The following AK9 variants were observed in gnomAD, a reference collection of about 807,000 sequenced individuals.
AK9 encodes adenylate kinase domain containing 1.
AK9 carries 191 observed loss-of-function variants against 239.6 expected under a neutral mutation model. The ratio of observed to expected loss-of-function variants is 0.80; its 90% CI spans 0.71 to 0.90. The LOEUF is 0.90. Among genes scored for constraint, AK9 ranks in the 40% least tolerant of loss-of-function variants. AK9 has a pLI of 0.00. For missense variants in AK9, 1,995 were observed against 2,214.7 expected (o/e 0.90, Z 1.99); for synonymous variants, 689 against 721.0 (o/e 0.96, Z 0.71).
At chr6:109,532,183 C>A (rs1259830325) in intron 28 of AK9, among the ~76,000 whole-genome samples, 4 of 152,184 alleles carry the variant, frequency 2.6e-5, no homozygotes, top group Non-Finnish European at 5.9e-5. Context: ...TTCTCCCCTG[C>A]CAAATGTTCG....
Position 109,494,071 on chromosome 6 carries a change from C to T in AK9, c.5443G>A (p.Ala1815Thr). Reference sequence around the variant, plus strand: ...TTTAAGCATCCCGCTGCATTCATTGCTTTAATTAGAGAAGTTGCAATACCC... The same window carrying T: ...TTTAAGCATCCCGCTGCATTCATTGTTTTAATTAGAGAAGTTGCAATACCC... Reference protein sequence around the residue: ...EQGIATSLIKAMNAAGCLKPK... With the variant: ...EQGIATSLIKTMNAAGCLKPK... The change falls in exon 40 of 41, where the codon GCA becomes ACA. Residue 1815 changes from alanine to threonine, a missense_variant. Physicochemically the swap from Ala to Thr is moderately conservative, Grantham distance 58. Around this residue, in one of 5 missense-constraint regions of AK9, gnomAD observed 391 missense variants for 456.0 expected, o/e 0.86. Transcript: ENST00000424296. The T allele has an allele frequency of 6.2e-7, 1 of 1,613,496 alleles. No homozygotes were observed. Among genetic ancestry groups the T allele is most frequent in the Non-Finnish European group, 8.5e-7 (1 of 1,179,528 alleles).
At chr6:109,637,303 G>T (rs546392588) in intron 10 of AK9, among the ~76,000 whole-genome samples, 5 of 152,218 alleles carry the variant, frequency 3.3e-5, no homozygotes, top group Admixed American at 3.3e-4. Flanking sequence ...ATCCCTATCA[G>T]ATATGTGATT....
At chr6:109,561,374 G>A (rs1785749141) in intron 24 of AK9, among the ~76,000 whole-genome samples, 1 of 152,132 alleles carries the variant, frequency 6.6e-6, no homozygotes, top group African/African-American at 2.4e-5. Context: ...GGAGTGCAGA[G>A]GTGTGATCTC....
At chr6:109,625,749 G>A (rs1388206396) in intron 12 of AK9, among the ~76,000 whole-genome samples, 10 of 152,190 alleles carry the variant, frequency 6.6e-5, no homozygotes, top group Admixed American at 2.6e-4. Context: ...GTTGGGGACT[G>A]CTGCTTTTGG....
At position 109,564,232 on chromosome 6, in the gene AK9, A is replaced by G; in HGVS notation, c.2483T>C (p.Met828Thr). Residue 828 changes from methionine to threonine, a missense_variant, in exon 23 of 41, where the codon ATG (methionine) becomes ACG (threonine). By Grantham distance (81) the Met-to-Thr change is moderately conservative. This residue lies in a region of AK9 where 1,290 missense variants were observed against 1,392.7 expected (regional missense o/e 0.93). Transcript: ENST00000424296. ...PEDSYPDVPE[M>T]EPFKEKIGSF... ...ACCAATCTTCTCTTTAAATGGCTCC[A>G]TTTCGGGAACATCAGGATAAGAGTC... 1.9e-6 allele frequency: 3 copies of G among 1,551,422 alleles called. No homozygotes were observed. The highest frequency in any genetic ancestry group is 2.6e-6 in the Non-Finnish European group (3 of 1,146,884).
rs144054652 is a variant in AK9 at position 109,543,803 on chromosome 6, A to C, written c.3226-1632T>G. ...CAGTTTCTCCTGAACGCTACTAAATATAGCTGAAAAACATTTAAAGAATAT... is the reference window on the plus strand; with the variant it reads ...CAGTTTCTCCTGAACGCTACTAAATCTAGCTGAAAAACATTTAAAGAATAT... On this transcript the variant is annotated intron_variant, in intron 26 of 40. Transcript: ENST00000424296. Among the ~76,000 whole-genome samples, 676 of 152,076 alleles carry C rather than the reference A, an allele frequency of 4.4e-3. 18 individuals are homozygous for C. The highest frequency in any genetic ancestry group is 0.037 in the Admixed American group (569 of 15,272).
At chr6:109,614,528 A>T in intron 13 of AK9, 48 bp from the exon 14 acceptor site, 2 of 1,469,702 alleles carry the variant, frequency 1.4e-6, no homozygotes, top group Non-Finnish European at 1.9e-6. Context: ...TTGGGGATAG[A>T]AAAACAGGTA....
At chr6:109,497,351 C>CACAT in intron 38 of AK9, 114 bp downstream of exon 38, 1 of 645,542 alleles carries the variant, frequency 1.5e-6, no homozygotes, top group Non-Finnish European at 2.7e-6. Flanking sequence ...CACACACACA[C>CACAT]ACACACACAC....
At chr6:109,652,723 T>G (rs1373294450) in intron 8 of AK9, among the ~76,000 whole-genome samples, 1 of 152,178 alleles carries the variant, frequency 6.6e-6, no homozygotes, top group Non-Finnish European at 1.5e-5. Context: ...CTGCAACCAG[T>G]GAAGGAATGC....
Position 109,685,157 on chromosome 6 carries a change from G to A in AK9, c.-12+5990C>T, listed in dbSNP as rs573256084. Among the ~76,000 whole-genome samples the A allele has an allele frequency of 3.9e-5, 6 of 152,140 alleles. No individual in the cohort carries two copies. In the South Asian group the frequency reaches 1.2e-3, roughly 32 times the overall value. ...GAGTGTAAATTAGTTCAACCATTGT[G>A]GAAGACAGTGTGGCGATTCCTCAAG... On this transcript the variant is annotated intron_variant, in intron 1 of 40. Transcript: ENST00000424296.
Position 109,672,114 on chromosome 6 carries a change from C to T in AK9, c.234+1G>A. On this transcript the variant is annotated splice_donor_variant, in intron 4 of 40. Coordinates refer to ENST00000424296, the MANE Select transcript of AK9 (RefSeq NM_001145128.3). LOFTEE classifies it high-confidence loss of function. Reference sequence around the variant, plus strand: ...TTACTTTGAAATTTAGGTTTGTTTACCATAACTCCTGATTCGGTTTCAGCA... The same window carrying T: ...TTACTTTGAAATTTAGGTTTGTTTATCATAACTCCTGATTCGGTTTCAGCA... 1 of 1,613,244 alleles carries T rather than the reference C, an allele frequency of 6.2e-7. No individual in the cohort carries two copies. Among genetic ancestry groups the T allele is most frequent in the South Asian group, 1.1e-5 (1 of 91,032 alleles).
chr6:109,653,252 G>C (rs1799226292), intron 8 of AK9, among the ~76,000 whole-genome samples: 1 of 152,104 alleles, frequency 6.6e-6, no homozygotes, highest in Non-Finnish European at 1.5e-5. Flanking sequence ...ATTAATACAG[G>C]TAGGTATAGC....
chr6:109,663,519 T>C (rs1324410845), intron 5 of AK9, among the ~76,000 whole-genome samples: 1 of 152,206 alleles, frequency 6.6e-6, no homozygotes, highest in African/African-American at 2.4e-5. Context: ...AGTGAAAATC[T>C]GAATTTTGAA....
chr6:109,569,122 A>G (rs529586724), intron 21 of AK9, among the ~76,000 whole-genome samples: 2 of 152,250 alleles, frequency 1.3e-5, no homozygotes, highest in South Asian at 4.1e-4. Context: ...TGGAAATAAT[A>G]CCACACATCT....
rs760305284 is a variant in AK9 at position 109,493,596 on chromosome 6, G to C, written c.5534-25C>G. The stretch of plus-strand genomic sequence containing the variant: ...GCTGTAGAAAATTTCACAGAACTGT[G>C]AATAATTTCTGCTAGTTAGTGAGTC... On this transcript the variant is annotated intron_variant, in intron 40 of 40. Transcript: ENST00000424296. 1.3e-5 allele frequency: 20 copies of C among 1,585,056 alleles called. No homozygotes were observed. The Admixed American group carries it at 3.0e-4, about 24-fold the overall frequency.
intron 6 of AK9, 26 bp downstream of exon 6, chr6:109,662,525 A>C: frequency 6.8e-6 from 10 of 1,470,864 alleles, no homozygotes; most frequent in Non-Finnish European, 9.1e-6. Flanking sequence ...GGTTTACTCT[A>C]CTAGCAAAAC....
chr6:109,656,137 C>T (rs1799671924), intron 8 of AK9, among the ~76,000 whole-genome samples: 1 of 152,160 alleles, frequency 6.6e-6, no homozygotes, highest in Non-Finnish European at 1.5e-5. Flanking sequence ...TGTTTGTTGA[C>T]TAAATCTCCA....
Position 109,671,914 on chromosome 6 carries a change from C to T in AK9, c.331+5G>A. 1 of 1,611,780 alleles carries T rather than the reference C, an allele frequency of 6.2e-7. No individual in the cohort carries two copies. Among genetic ancestry groups the T allele is most frequent in the Non-Finnish European group, 8.5e-7 (1 of 1,178,442 alleles). ...TGGGCTGTAAATATATTAAAATAAA[C>T]ATACCAAAGTGACAGACTTCTGGGG... On this transcript the variant is annotated splice_donor_5th_base_variant and intron_variant, in intron 5 of 40. Transcript: ENST00000424296.
chr6:109,612,579 GC>G (rs1410745050), intron 15 of AK9, among the ~76,000 whole-genome samples: 1 of 152,136 alleles, frequency 6.6e-6, no homozygotes, highest in Admixed American at 6.6e-5. Flanking sequence ...GAACTCCACA[GC>G]AGCAAAGATG....
Sources: gnomAD v4.1 joint callset for allele counts (sites outside exome capture counted in the v4.1 genomes callset) on GRCh38, gnomAD v4.1.1 for gene constraint, gnomAD v4.1.1 regional missense constraint, MANE v1.5 for transcripts, NCBI Gene and HGNC (gene_info 2026-07-23, HGNC 2026-07-21) for gene names.